Variants in GCLC observed in about 807,000 individuals in gnomAD.
GCLC encodes glutamate-cysteine ligase catalytic subunit.
Under a neutral mutation model 81.5 loss-of-function variants are expected in GCLC, and 30 were observed. That is an observed-to-expected ratio of 0.37 (90% CI 0.28 to 0.50). The LOEUF is 0.50. Ranked by LOEUF, GCLC falls within the 20% of genes least tolerant of loss-of-function variation. The pLI, the probability that GCLC is intolerant of heterozygous loss-of-function variation, is 0.96. For missense variants in GCLC, 556 were observed against 777.4 expected (o/e 0.72, Z 3.39); for synonymous variants, 262 against 273.3 (o/e 0.96, Z 0.41).
chr6:53,505,718 C>A (rs1461762841), intron 11 of GCLC, 85 bp downstream of exon 11: 114 of 854,734 alleles, frequency 1.3e-4, no homozygotes, highest in Non-Finnish European at 8.2e-5. Context: ...TATATAAGAG[C>A]CTTCTCATAG....
intron 6 of GCLC, chr6:53,510,157 T>G (rs1186135612): frequency 6.6e-6 from 1 of 152,330 alleles, no homozygotes; most frequent in Non-Finnish European, 1.5e-5. Context: ...AGGTTTTGGC[T>G]TGGGTGTTCA....
In GCLC at chr6:53,544,641, C is replaced by T; in HGVS notation, c.5G>A (p.Gly2Glu). The change falls in exon 1 of 16, where the codon GGG (glycine) becomes GAG (glutamate). Residue 2 changes from glycine (G) to glutamate (E), a missense_variant. Coordinates refer to ENST00000650454, the MANE Select transcript of GCLC (RefSeq NM_001498.4). ...CAGCGGCGAGCCCTGGGACAGCAGCCCCATGGCCGCCCCCTCCTCCTCCTC... is the reference window on the plus strand; with the variant it reads ...CAGCGGCGAGCCCTGGGACAGCAGCTCCATGGCCGCCCCCTCCTCCTCCTC... M[G>E]LLSQGSPLSW... 1 of 1,587,042 alleles carries T rather than the reference C, an allele frequency of 6.3e-7. No homozygotes were observed. Among genetic ancestry groups the T allele is most frequent in the Non-Finnish European group, 8.5e-7 (1 of 1,175,646 alleles).
chr6:53,506,159 G>C lies in GCLC; in HGVS notation c.1198-264C>G. 1 of 414,918 alleles carries C rather than the reference G, an allele frequency of 2.4e-6. No homozygotes were observed. Among genetic ancestry groups the C allele is most frequent in the Non-Finnish European group, 4.5e-6 (1 of 221,850 alleles). The allele number at this position is 414,918 out of a possible 1,614,324, so 25.7% of individuals were successfully genotyped here. ...TCCTACTCCCTATCTCCCAGCTACA[G>C]AGCAGCATCTGAAGAGCCACGGGGC... On this transcript the variant is annotated intron_variant, in intron 10 of 15. Coordinates refer to ENST00000650454, the MANE Select transcript of GCLC (RefSeq NM_001498.4). The surrounding 1 kb of genome is among the most constrained non-coding windows in gnomAD (Gnocchi z 4.0).
intron 3 of GCLC, 24 bp from the exon 4 acceptor site, chr6:53,516,246 T>C: frequency 7.2e-7 from 1 of 1,381,202 alleles, no homozygotes; most frequent in Admixed American, 1.7e-5. Flanking sequence ...AAGAACTAAA[T>C]AGATGGGATT....
chr6:53,520,458 T>C (rs554795965), intron 3 of GCLC, among the ~76,000 whole-genome samples: 335 of 152,320 alleles, frequency 2.2e-3, no homozygotes, highest in Non-Finnish European at 3.6e-3. Context: ...CAGAACTGTG[T>C]GGCAGGCGTG....
chr6:53,512,053 T>C (rs572699806), intron 6 of GCLC, among the ~76,000 whole-genome samples: 1 of 151,178 alleles, frequency 6.6e-6, no homozygotes, highest in East Asian at 2.0e-4. Flanking sequence ...GGTTCAAGCG[T>C]TTCTCATGCC....
intron 4 of GCLC, 50 bp from the exon 5 acceptor site, chr6:53,514,547 G>T: frequency 7.7e-7 from 1 of 1,305,806 alleles, no homozygotes; most frequent in South Asian, 1.2e-5. Flanking sequence ...GAGTCATCGT[G>T]TAAAAGAAGA....
chr6:53,500,609 C>G (rs1195142321), intron 12 of GCLC, 96 bp from the exon 13 acceptor site: 1 of 863,964 alleles, frequency 1.2e-6, no homozygotes, highest in Non-Finnish European at 2.0e-6. Context: ...GGACTCATTC[C>G]CTTAGGGATT....
intron 1 of GCLC, among the ~76,000 whole-genome samples, chr6:53,526,526 C>A (rs531191665): frequency 2.0e-5 from 3 of 152,004 alleles, no homozygotes; most frequent in African/African-American, 7.3e-5. Flanking sequence ...AGGCAGGGCA[C>A]GGTGGCTCAT....
intron 12 of GCLC, chr6:53,503,330 T>A (rs1233892775): frequency 1.3e-5 from 2 of 152,296 alleles, no homozygotes; most frequent in African/African-American, 4.8e-5. Context: ...TCCAGAACTG[T>A]GAGCAATACA....
chr6:53,499,362 G>C lies in GCLC; in HGVS notation c.1703-395C>G, dbSNP rs1428685708. On this transcript the variant is annotated intron_variant, in intron 15 of 15. Transcript: ENST00000650454. ...TCAGAGGACTGTAGGGTCCTTGAGC[G>C]ATCTTTGATCAAAGAGGTGGAGAGA... is the stretch of plus-strand genomic sequence containing the variant. Among the ~76,000 whole-genome samples the C allele has an allele frequency of 2.6e-5, 4 of 152,184 alleles. No homozygotes were observed. The East Asian group carries it at 7.7e-4, about 29-fold the overall frequency.
intron 6 of GCLC, among the ~76,000 whole-genome samples, chr6:53,511,659 G>A (rs560835395): frequency 1.3e-5 from 2 of 151,898 alleles, no homozygotes; most frequent in Admixed American, 6.6e-5. Context: ...ACATCACTGT[G>A]GATAATGGCT....
At chr6:53,521,590 T>C (rs1232459794) in intron 2 of GCLC, among the ~76,000 whole-genome samples, 1 of 152,188 alleles carries the variant, frequency 6.6e-6, no homozygotes, top group African/African-American at 2.4e-5. Flanking sequence ...CAAATGCAGC[T>C]TCCCCAAAAC....
At chr6:53,527,766 A>T (rs1763107705) in intron 1 of GCLC, among the ~76,000 whole-genome samples, 1 of 152,192 alleles carries the variant, frequency 6.6e-6, no homozygotes, top group Non-Finnish European at 1.5e-5. Flanking sequence ...ATTTAAGTTG[A>T]TTCCTTACAT....
In GCLC at chr6:53,545,015, G is replaced by A. The variant is rs576367559; in HGVS notation, c.-370C>T. On this transcript the variant is annotated 5_prime_UTR_variant, in exon 1 of 16. Transcript: ENST00000650454. ...GGCTCCCGCTTCTCTTTGCCGGTCT[G>A]GTGCACTGGCTTCTTCCTACTTGTG... 1.2e-5 allele frequency: 2 copies of A among 171,634 alleles called. No homozygotes were observed. Among genetic ancestry groups the A allele is most frequent in the African/African-American group, 2.4e-5 (1 of 42,144 alleles). The allele number at this position is 171,634 out of a possible 1,614,324, so 10.6% of individuals were successfully genotyped here.
chr6:53,506,061 T>TA lies in GCLC; in HGVS notation c.1198-167dup. ...AAGATTTTCTTCGAGTGTGCTCTTT[T>TA]AGGAAAACAAAACAGCCAAGTGTTT... is the stretch of plus-strand genomic sequence containing the variant. On this transcript the variant is annotated intron_variant, in intron 10 of 15. Transcript: ENST00000650454. This position sits in a 1 kb window ranked among gnomAD's most constrained non-coding sequence, Gnocchi z 4.0. 1.6e-6 allele frequency: 1 copy of TA among 636,326 alleles called. No homozygotes were observed. Among genetic ancestry groups the TA allele is most frequent in the South Asian group, 1.7e-5 (1 of 60,102 alleles). 39.4% of individuals were successfully genotyped at this position (636,326 alleles called of 1,614,324 possible). A position where few individuals can be genotyped will look rare whatever the true frequency, so the allele number is the denominator to read the frequency against.
chr6:53,515,585 A>C (rs1764853610), intron 4 of GCLC, among the ~76,000 whole-genome samples: 1 of 152,254 alleles, frequency 6.6e-6, no homozygotes, highest in Non-Finnish European at 1.5e-5. Flanking sequence ...TACAAAGCTA[A>C]GATCAGGCTA....
chr6:53,511,201 TG>T (rs34779369), intron 6 of GCLC, among the ~76,000 whole-genome samples: 35,170 of 108,118 alleles, frequency 0.33, 6,400 homozygotes, highest in East Asian at 0.52. Context: ...AAAAAAAAAG[TG>T]GGGGGGGGGT....
chr6:53,525,255 C>A (rs1290921719), intron 1 of GCLC, among the ~76,000 whole-genome samples: 1 of 152,132 alleles, frequency 6.6e-6, no homozygotes, highest in Non-Finnish European at 1.5e-5. Flanking sequence ...GTTAAACACC[C>A]CCACCACCTC....
Sources: gnomAD v4.1 joint callset for allele counts (sites outside exome capture counted in the v4.1 genomes callset) on GRCh38, gnomAD v4.1.1 for gene constraint, Gnocchi (gnomAD v3.1) non-coding constraint, MANE v1.5 for transcripts, NCBI Gene and HGNC (gene_info 2026-07-23, HGNC 2026-07-21) for gene names.